AK7: variants seen among roughly 807,000 people sequenced by gnomAD.
The protein encoded by AK7 is adenylate kinase 7.
Under a neutral mutation model 96.6 loss-of-function variants are expected in AK7, and 78 were observed. The observed-to-expected ratio is 0.81, with a 90% confidence interval of 0.67 to 0.97. The LOEUF (loss-of-function observed/expected upper bound fraction) is 0.97, where lower values mean the gene tolerates loss of function less well. Among genes scored for constraint, AK7 ranks in the 50% least tolerant of loss-of-function variants. AK7 has a pLI of 0.00. For missense variants in AK7, 855 were observed against 887.9 expected (o/e 0.96, Z 0.47); for synonymous variants, 302 against 317.2 (o/e 0.95, Z 0.51).
At chr14:96,421,219 C>T (rs1029415778) in intron 5 of AK7, among the ~76,000 whole-genome samples, 2 of 152,150 alleles carry the variant, frequency 1.3e-5, no homozygotes, top group African/African-American at 4.8e-5. Context: ...ACAGGGGAAC[C>T]ACATTTTCCC....
At chr14:96,405,527 C>T (rs13329050) in intron 3 of AK7, among the ~76,000 whole-genome samples, 3,558 of 152,190 alleles carry the variant, frequency 0.023, 152 homozygotes, top group African/African-American at 0.079. Flanking sequence ...ATTCCATAGG[C>T]GCTGCTTAAG....
At chr14:96,475,620 AT>A (rs750799097) in intron 14 of AK7, among the ~76,000 whole-genome samples, 1 of 152,114 alleles carries the variant, frequency 6.6e-6, no homozygotes, top group Non-Finnish European at 1.5e-5. Context: ...ATCTTTAGGT[AT>A]TGGCTAGGCC....
rs111345170 is a variant in AK7 at position 96,406,739 on chromosome 14, G to A, written c.403+1874G>A. Among the ~76,000 whole-genome samples, 7 of 152,138 alleles carry A rather than the reference G, an allele frequency of 4.6e-5. 1 individual carries two copies. Among genetic ancestry groups the A allele is most frequent in the African/African-American group, 1.7e-4 (7 of 41,488 alleles). ...CTTGCTCTGTCACCCAGGCTGGAGT[G>A]CAGCAGTATATCATAGCTTACTACA... On this transcript the variant is annotated intron_variant, in intron 3 of 17. Coordinates refer to ENST00000267584, the MANE Select transcript of AK7 (RefSeq NM_152327.5).
intron 8 of AK7, among the ~76,000 whole-genome samples, chr14:96,446,939 C>T (rs1188186584): frequency 6.6e-6 from 1 of 150,602 alleles, no homozygotes; most frequent in Non-Finnish European, 1.5e-5. Flanking sequence ...GACTCCATCT[C>T]CAAAAAATAA....
At chr14:96,482,527 A>G (rs1415939366) in intron 15 of AK7, among the ~76,000 whole-genome samples, 1 of 152,050 alleles carries the variant, frequency 6.6e-6, no homozygotes, top group Non-Finnish European at 1.5e-5. Context: ...GAGTCTGGAT[A>G]TTTTTCCTAT....
At chr14:96,423,337 C>G (rs566944597) in intron 5 of AK7, among the ~76,000 whole-genome samples, 1 of 152,156 alleles carries the variant, frequency 6.6e-6, no homozygotes, top group Non-Finnish European at 1.5e-5. Flanking sequence ...TATTTTTAAC[C>G]TCCCTTAAAG....
At chr14:96,406,697 T>C (rs934642656) in intron 3 of AK7, among the ~76,000 whole-genome samples, 15 of 152,254 alleles carry the variant, frequency 9.9e-5, no homozygotes, top group South Asian at 4.1e-4. Context: ...CCTTTCTTTT[T>C]TTTTTAAAGA....
chr14:96,437,807 C>CTT, intron 5 of AK7, 28 bp from the exon 6 acceptor site: 6 of 1,517,606 alleles, frequency 4.0e-6, no homozygotes, highest in Admixed American at 1.9e-5. Flanking sequence ...TTACATCCAG[C>CTT]TTTTTTTTTC....
chr14:96,418,166 C>CA (rs1566770300), intron 4 of AK7, among the ~76,000 whole-genome samples: 2 of 125,018 alleles, frequency 1.6e-5, no homozygotes, highest in Admixed American at 1.7e-4. Flanking sequence ...TTACACAAAA[C>CA]AATTTTTTTT....
At chr14:96,468,102 T>G (rs1361124662) in intron 12 of AK7, among the ~76,000 whole-genome samples, 1 of 140,060 alleles carries the variant, frequency 7.1e-6, no homozygotes, top group Non-Finnish European at 1.5e-5. Context: ...AAAAATTAGC[T>G]GGGTATGGTG....
chr14:96,404,417 G>C (rs185138663), intron 2 of AK7, among the ~76,000 whole-genome samples: 1 of 152,262 alleles, frequency 6.6e-6, no homozygotes, highest in Admixed American at 6.5e-5. Flanking sequence ...ATCTTGCATA[G>C]AGTTTGAATT....
At chr14:96,412,451 C>G (rs1214004889) in intron 4 of AK7, among the ~76,000 whole-genome samples, 1 of 151,686 alleles carries the variant, frequency 6.6e-6, no homozygotes, top group African/African-American at 2.4e-5. Context: ...TGGTCTCGAA[C>G]TCCTGACCTC....
rs1012875596 is a variant in AK7 at position 96,399,499 on chromosome 14, G to A, written c.294+1236G>A. 5.9e-5 allele frequency among the ~76,000 whole-genome samples: 9 copies of A among 151,996 alleles called. No homozygotes were observed. The highest frequency in any genetic ancestry group is 4.2e-4 in the South Asian group (2 of 4,810). On this transcript the variant is annotated intron_variant, in intron 2 of 17. Coordinates refer to ENST00000267584, the MANE Select transcript of AK7 (RefSeq NM_152327.5). This position sits in a 1 kb window ranked among gnomAD's most constrained non-coding sequence, Gnocchi z 4.1. ...GGCCACCAGCCTCTTTCTCTGCCCC[G>A]GCCCCTGCCACCACTGAACTTCAGG...
rs115535886 is a variant in AK7, at chr14:96,416,924, T to C, written c.499-3898T>C. ...CCAGTGCCACTGGCCAGAGAGAGAT[T>C]GATCTTCCTTTTCTCTCAGTCACTT... is the stretch of plus-strand genomic sequence containing the variant. On this transcript the variant is annotated intron_variant, in intron 4 of 17. Coordinates refer to ENST00000267584, the MANE Select transcript of AK7 (RefSeq NM_152327.5). 5.1e-3 allele frequency among the ~76,000 whole-genome samples: 777 copies of C among 152,334 alleles called. 4 individuals carry two copies. The highest frequency in any genetic ancestry group is 0.017 in the African/African-American group (727 of 41,574).
intron 6 of AK7, among the ~76,000 whole-genome samples, chr14:96,438,594 C>T (rs892256572): frequency 2.6e-5 from 4 of 152,130 alleles, no homozygotes; most frequent in Non-Finnish European, 4.4e-5. Context: ...GGGAGAACAG[C>T]GGTAATGAGG....
intron 10 of AK7, among the ~76,000 whole-genome samples, chr14:96,454,665 T>A (rs998107635): frequency 2.0e-4 from 17 of 85,272 alleles, no homozygotes; most frequent in African/African-American, 3.9e-4. Flanking sequence ...TAAAAAAAAT[T>A]TTTTTTTTTT....
chr14:96,421,961 T>C (rs983868876), intron 5 of AK7, among the ~76,000 whole-genome samples: 1 of 152,164 alleles, frequency 6.6e-6, no homozygotes, highest in Non-Finnish European at 1.5e-5. Context: ...AAAGGGGCTA[T>C]CTCTTTGTTC....
chr14:96,470,279 G>C (rs1158524351), intron 12 of AK7, among the ~76,000 whole-genome samples: 1 of 151,704 alleles, frequency 6.6e-6, no homozygotes, highest in Non-Finnish European at 1.5e-5. Context: ...GAGAGGAGGA[G>C]GGGGAGTCAC....
intron 16 of AK7, among the ~76,000 whole-genome samples, chr14:96,486,011 C>G (rs1051063788): frequency 6.6e-6 from 1 of 152,130 alleles, no homozygotes. Flanking sequence ...GTCTCGATCT[C>G]CTGACCTCGT....
Sources: allele counts gnomAD v4.1 joint callset (sites outside exome capture counted in the v4.1 genomes callset), GRCh38; gene constraint gnomAD v4.1.1; non-coding constraint Gnocchi (gnomAD v3.1); transcripts MANE v1.5; gene names NCBI Gene and HGNC (gene_info 2026-07-23, HGNC 2026-07-21).